Variants in IGF1R observed in about 807,000 individuals in gnomAD.
The protein encoded by IGF1R is insulin-like growth factor 1 receptor.
Under a neutral mutation model 144.6 loss-of-function variants are expected in IGF1R, and 44 were observed. The observed-to-expected ratio is 0.30, with a 90% confidence interval of 0.24 to 0.39. The LOEUF (loss-of-function observed/expected upper bound fraction) is 0.39. Among genes scored for constraint, IGF1R ranks in the 10% least tolerant of loss-of-function variants. IGF1R has a pLI of 1.00. For synonymous variants in IGF1R, 795 were observed against 722.8 expected (o/e 1.10, Z -1.60); for missense variants, 1,355 against 1,833.7 (o/e 0.74, Z 4.77).
rs971858933 is a variant in IGF1R at position 98,891,728 on chromosome 15, G to A, written c.953+91G>A. 8.4e-6 allele frequency: 11 copies of A among 1,312,124 alleles called. No individual in the cohort carries two copies. In the East Asian group the frequency reaches 1.5e-4, roughly 18 times the overall value. 81.3% of individuals were successfully genotyped at this position (1,312,124 alleles called of 1,614,324 possible). A position where few individuals can be genotyped will look rare whatever the true frequency, so the allele number is the denominator to read the frequency against. On this transcript the variant is annotated intron_variant, in intron 3 of 20. Transcript: ENST00000650285. The surrounding 1 kb of genome is among the most constrained non-coding windows in gnomAD (Gnocchi z 4.7). ...GTAGACTCTGTCGGTTGTTTCATCCGGGTGCAGCCCTCAGGAAGTTCACTG... is the reference window on the plus strand; with the variant it reads ...GTAGACTCTGTCGGTTGTTTCATCCAGGTGCAGCCCTCAGGAAGTTCACTG...
chr15:98,874,554 C>A (rs1036199437), intron 2 of IGF1R, among the ~76,000 whole-genome samples: 1 of 152,102 alleles, frequency 6.6e-6, no homozygotes, highest in African/African-American at 2.4e-5. Context: ...TGACAAGAGC[C>A]GTGGGCTCAG....
At position 98,930,316 on chromosome 15, in the gene IGF1R, G is replaced by A. The variant is rs374579565; in HGVS notation, c.2956+11G>A. 262 of 1,603,902 alleles carry A rather than the reference G, an allele frequency of 1.6e-4. No homozygotes were observed. The highest frequency in any genetic ancestry group is 2.1e-4 in the Non-Finnish European group (249 of 1,172,546). ...TCAGCGCTGCTGATGGTAAGAGTCC[G>A]GGCCACCAGCACTGCCAGCGTGCAG... On this transcript the variant is annotated intron_variant, in intron 15 of 20. Transcript: ENST00000650285.
At chr15:98,725,309 AAAAAAC>A (rs1008781334) in intron 2 of IGF1R, among the ~76,000 whole-genome samples, 34 of 152,356 alleles carry the variant, frequency 2.2e-4, no homozygotes, top group African/African-American at 5.8e-4. Context: ...CTGAATTGGA[AAAAAAC>A]AAAAACAAAA....
intron 2 of IGF1R, among the ~76,000 whole-genome samples, chr15:98,778,214 C>T (rs1454760720): frequency 6.6e-6 from 1 of 152,122 alleles, no homozygotes; most frequent in Admixed American, 6.5e-5. Context: ...GTACGTGGTC[C>T]TCGGAGTCAT....
chr15:98,957,744 G>A lies in IGF1R; in HGVS notation c.*302G>A. The stretch of plus-strand genomic sequence containing the variant: ...ACTTGAGAACCAGTCTCCTCACTCT[G>A]TCCCTGTCCTTCCCTGTTCTCCCTT... On this transcript the variant is annotated 3_prime_UTR_variant, in exon 21 of 21. Coordinates refer to ENST00000650285, the MANE Select transcript of IGF1R (RefSeq NM_000875.5). 2.1e-6 allele frequency: 1 copy of A among 475,642 alleles called. No homozygotes were observed. Among genetic ancestry groups the A allele is most frequent in the Non-Finnish European group, 3.8e-6 (1 of 263,988 alleles). The allele number at this position is 475,642 out of a possible 1,614,324, so 29.5% of individuals were successfully genotyped here.
In IGF1R at chr15:98,891,756, G is replaced by C. The variant is rs1328944087; in HGVS notation, c.953+119G>C. The C allele has an allele frequency of 1.0e-6, 1 of 986,228 alleles. No individual in the cohort carries two copies. The highest frequency in any genetic ancestry group is 1.5e-6 in the Non-Finnish European group (1 of 653,212). The allele number at this position is 986,228 out of a possible 1,614,324, so 61.1% of individuals were successfully genotyped here. ...TGCAGCCCTCAGGAAGTTCACTGAG[G>C]TGGGTCATTTTGAGAGGGCTGGCTT... On this transcript the variant is annotated intron_variant, in intron 3 of 20. Coordinates refer to ENST00000650285, the MANE Select transcript of IGF1R (RefSeq NM_000875.5). The surrounding 1 kb of genome is among the most constrained non-coding windows in gnomAD (Gnocchi z 4.7).
intron 2 of IGF1R, among the ~76,000 whole-genome samples, chr15:98,741,733 C>A (rs976148183): frequency 1.3e-5 from 2 of 152,168 alleles, no homozygotes; most frequent in Non-Finnish European, 2.9e-5. Context: ...CCAGGAGATA[C>A]TGTATGCAAA....
Position 98,763,096 on chromosome 15 carries a change from T to A in IGF1R, c.640+54989T>A, listed in dbSNP as rs370906895. ...ACAACATATATTCCAATGTTTAGTTTTTCTGTTACAGAGATCACATGTACT... is the reference window on the plus strand; with the variant it reads ...ACAACATATATTCCAATGTTTAGTTATTCTGTTACAGAGATCACATGTACT... On this transcript the variant is annotated intron_variant, in intron 2 of 20. Coordinates refer to ENST00000650285, the MANE Select transcript of IGF1R (RefSeq NM_000875.5). Among the ~76,000 whole-genome samples, 39 of 152,292 alleles carry A rather than the reference T, an allele frequency of 2.6e-4. No individual in the cohort carries two copies. The South Asian group carries it at 7.9e-3, about 31-fold the overall frequency.
intron 5 of IGF1R, among the ~76,000 whole-genome samples, chr15:98,901,669 C>T (rs1295137986): frequency 1.3e-5 from 2 of 152,158 alleles, no homozygotes; most frequent in Non-Finnish European, 2.9e-5. Flanking sequence ...GCAGAACTCG[C>T]ACAGTGATAC....
intron 2 of IGF1R, among the ~76,000 whole-genome samples, chr15:98,850,856 A>C (rs1367987776): frequency 1.3e-5 from 2 of 151,054 alleles, no homozygotes; most frequent in African/African-American, 4.9e-5. Context: ...GAGTGCTGCA[A>C]ATGTTTGGCA....
chr15:98,884,197 C>T (rs1028556261), intron 2 of IGF1R, among the ~76,000 whole-genome samples: 1 of 152,060 alleles, frequency 6.6e-6, no homozygotes. Flanking sequence ...TCTCCTGGGT[C>T]CCCCGGGCAT....
intron 6 of IGF1R, among the ~76,000 whole-genome samples, chr15:98,911,067 A>G (rs2014992186): frequency 6.6e-6 from 1 of 152,208 alleles, no homozygotes; most frequent in Non-Finnish European, 1.5e-5. Flanking sequence ...ACCCAGGTTC[A>G]TGTCCAAGTC....
intron 1 of IGF1R, among the ~76,000 whole-genome samples, chr15:98,650,268 G>T (rs1316858207): frequency 6.6e-6 from 1 of 152,198 alleles, no homozygotes; most frequent in Non-Finnish European, 1.5e-5. Flanking sequence ...GCCTCCCGTC[G>T]CCCAACGTGC....
intron 2 of IGF1R, among the ~76,000 whole-genome samples, chr15:98,855,025 A>G (rs916994022): frequency 1.3e-5 from 2 of 151,958 alleles, no homozygotes; most frequent in Non-Finnish European, 2.9e-5. Flanking sequence ...CCCATTTTCT[A>G]GAACCACCTT....
Position 98,749,242 on chromosome 15 carries a change from T to C in IGF1R, c.640+41135T>C, listed in dbSNP as rs186029729. On this transcript the variant is annotated intron_variant, in intron 2 of 20. Transcript: ENST00000650285. ...AATTTGCCTATTTTTAAAATTCTTG[T>C]TTCTGTGCTTACCTTGTTGTTAGAC... is the stretch of plus-strand genomic sequence containing the variant. 2.6e-3 allele frequency among the ~76,000 whole-genome samples: 395 copies of C among 152,288 alleles called. 2 individuals are homozygous for C. Among genetic ancestry groups the C allele is most frequent in the Non-Finnish European group, 5.0e-3 (341 of 68,020 alleles).
intron 1 of IGF1R, among the ~76,000 whole-genome samples, chr15:98,694,612 G>A (rs1333971720): frequency 5.3e-5 from 8 of 152,126 alleles, no homozygotes; most frequent in Non-Finnish European, 1.2e-4. Context: ...TAAAGGCAAG[G>A]GTTGCTCATG....
chr15:98,927,209 C>T (rs931946480), intron 13 of IGF1R, among the ~76,000 whole-genome samples: 2 of 152,186 alleles, frequency 1.3e-5, no homozygotes, highest in African/African-American at 2.4e-5. Flanking sequence ...ATTGGATCTG[C>T]GTGCTGGCCT....
chr15:98,702,747 T>G (rs1215327429), intron 1 of IGF1R, among the ~76,000 whole-genome samples: 2 of 151,918 alleles, frequency 1.3e-5, no homozygotes, highest in Non-Finnish European at 2.9e-5. Context: ...CTGGGCAACA[T>G]AGGGAAACCC....
At chr15:98,784,195 A>G (rs1221576426) in intron 2 of IGF1R, among the ~76,000 whole-genome samples, 1 of 151,886 alleles carries the variant, frequency 6.6e-6, no homozygotes, top group Non-Finnish European at 1.5e-5. Context: ...GGCTGGTTTC[A>G]AAGTGCTGGG....
Sources: gnomAD v4.1 joint callset for allele counts (sites outside exome capture counted in the v4.1 genomes callset) on GRCh38, gnomAD v4.1.1 for gene constraint, Gnocchi (gnomAD v3.1) non-coding constraint, MANE v1.5 for transcripts, NCBI Gene and HGNC (gene_info 2026-07-23, HGNC 2026-07-21) for gene names.